The following GFRA1 variants were observed in gnomAD, a reference collection of about 807,000 sequenced individuals.
GFRA1 encodes the protein GDNF family receptor alpha 1.
In GFRA1, 16 loss-of-function variants were observed where a neutral mutation model predicts 51.6. The observed-to-expected ratio is 0.31, with a 90% CI of 0.21 to 0.47. The LOEUF (loss-of-function observed/expected upper bound fraction) is 0.47. Among genes scored for constraint, GFRA1 ranks in the 20% least tolerant of loss-of-function variants. The probability of loss-of-function intolerance (pLI) is 1.00; values close to 1 mark genes in which losing one functional copy is unlikely to be tolerated. For missense variants in GFRA1, 530 were observed against 594.3 expected, an observed-to-expected ratio of 0.89 and a Z score of 1.13; for synonymous variants, 270 against 241.3, an observed-to-expected ratio of 1.12 and a Z score of -1.10.
At chr10:116,115,026 C>T (rs933460933) in intron 6 of GFRA1, among the ~76,000 whole-genome samples, 4 of 152,162 alleles carry the variant, frequency 2.6e-5, no homozygotes, top group Admixed American at 1.3e-4. Context: ...CTTACACTGA[C>T]AACTACTGGG....
At chr10:116,119,532 A>G (rs377100242) in intron 6 of GFRA1, among the ~76,000 whole-genome samples, 3 of 152,346 alleles carry the variant, frequency 2.0e-5, no homozygotes, top group East Asian at 3.9e-4. Context: ...TGAATGAATC[A>G]GCGTAAAATA....
Position 116,084,761 on chromosome 10 carries a change from A to AACACAC in GFRA1, c.1197+4974_1197+4979dup, listed in dbSNP as rs5788130. Among the ~76,000 whole-genome samples, 353 of 140,152 alleles carry AACACAC rather than the reference A, an allele frequency of 2.5e-3. 3 individuals carry two copies. The highest frequency in any genetic ancestry group is 2.7e-3 in the Non-Finnish European group (174 of 63,888). The allele number at this position is 140,152 out of a possible 152,430, so 91.9% of individuals were successfully genotyped here. On this transcript the variant is annotated intron_variant, in intron 9 of 10. Transcript: ENST00000355422. ...CCAAAGATATTTACTTTAAATAAGT[A>AACACAC]ACACACACACACACACACACACACA...
intron 6 of GFRA1, among the ~76,000 whole-genome samples, chr10:116,101,315 T>C (rs1956809164): frequency 6.6e-6 from 1 of 152,180 alleles, no homozygotes; most frequent in Non-Finnish European, 1.5e-5. Flanking sequence ...GAAATCTCCA[T>C]GACGACAGCA....
At chr10:116,194,289 C>T (rs959076971) in intron 5 of GFRA1, among the ~76,000 whole-genome samples, 3 of 152,076 alleles carry the variant, frequency 2.0e-5, no homozygotes, top group Non-Finnish European at 2.9e-5. Flanking sequence ...CTAAAAATAA[C>T]CCATGAATTC....
chr10:116,188,216 G>A (rs562815884), intron 5 of GFRA1, among the ~76,000 whole-genome samples: 1 of 152,040 alleles, frequency 6.6e-6, no homozygotes, highest in African/African-American at 2.4e-5. Flanking sequence ...CCTGTGGGAT[G>A]GGGGGTCAAC....
At chr10:116,104,622 C>T (rs1479427464) in intron 6 of GFRA1, among the ~76,000 whole-genome samples, 1 of 152,190 alleles carries the variant, frequency 6.6e-6, no homozygotes, top group Non-Finnish European at 1.5e-5. Context: ...AGAGGTGATG[C>T]TTCCTTAGCC....
intron 5 of GFRA1, among the ~76,000 whole-genome samples, chr10:116,137,327 T>C (rs759317208): frequency 1.3e-5 from 2 of 152,182 alleles, no homozygotes; most frequent in Admixed American, 6.5e-5. Flanking sequence ...TAATGAATCA[T>C]TGATGATGTC....
At chr10:116,139,264 G>A (rs143467324) in intron 5 of GFRA1, among the ~76,000 whole-genome samples, 22 of 152,320 alleles carry the variant, frequency 1.4e-4, no homozygotes, top group African/African-American at 4.8e-4. Flanking sequence ...ACACAAGCAT[G>A]TTGGTTTTGG....
rs184234291 is a variant in GFRA1 at position 116,089,730 on chromosome 10, G to A, written c.1197+11C>T. The stretch of plus-strand genomic sequence containing the variant: ...GGGAGCCCCAGCAAGGAATCTGGAC[G>A]CAGTTCTCACCTGTAAATTTGCACA... On this transcript the variant is annotated intron_variant, in intron 9 of 10. Transcript: ENST00000355422. 4.5e-4 allele frequency: 723 copies of A among 1,611,104 alleles called. No individual in the cohort carries two copies. The highest frequency in any genetic ancestry group is 5.9e-4 in the Non-Finnish European group (689 of 1,177,422).
chr10:116,143,112 C>T (rs1589821079), intron 5 of GFRA1, among the ~76,000 whole-genome samples: 2 of 152,134 alleles, frequency 1.3e-5, no homozygotes, highest in African/African-American at 4.8e-5. Context: ...TTGTGCCATA[C>T]AGGATGGAGG....
At chr10:116,246,675 AAAATAG>A (rs1367776951) in intron 4 of GFRA1, among the ~76,000 whole-genome samples, 1 of 152,240 alleles carries the variant, frequency 6.6e-6, no homozygotes, top group Non-Finnish European at 1.5e-5. Flanking sequence ...ACAGGTTATT[AAAATAG>A]TAAATTAAAA....
chr10:116,062,082 A>G lies in GFRA1; in HGVS notation c.*2316T>C. 2.5e-6 allele frequency: 1 copy of G among 398,588 alleles called. No homozygotes were observed. Among genetic ancestry groups the G allele is most frequent in the South Asian group, 1.3e-4 (1 of 7,856 alleles). The allele number at this position is 398,588 out of a possible 1,614,324, so 24.7% of individuals were successfully genotyped here. A position where few individuals can be genotyped will look rare whatever the true frequency, so the allele number is the denominator to read the frequency against. On this transcript the variant is annotated 3_prime_UTR_variant, in exon 11 of 11. Transcript: ENST00000355422. The stretch of plus-strand genomic sequence containing the variant: ...AATGTAATTTATATATTGCCTACCC[A>G]TGCATTCTTCAATGAAGGCTGCCCT...
chr10:116,255,721 C>G, intron 4 of GFRA1: 1 of 1,289,200 alleles, frequency 7.8e-7, no homozygotes, highest in Non-Finnish European at 1.0e-6. Flanking sequence ...CTCTTCCTCT[C>G]TCCTTCTCCC....
intron 5 of GFRA1, among the ~76,000 whole-genome samples, chr10:116,165,972 C>T (rs541330827): frequency 6.6e-6 from 1 of 152,126 alleles, no homozygotes. Flanking sequence ...TAAAAGGTCT[C>T]ATTGTGTGTT....
intron 10 of GFRA1, 55 bp downstream of exon 10, chr10:116,065,510 CCCCAGGGG>C: frequency 7.5e-7 from 1 of 1,325,828 alleles, no homozygotes; most frequent in Non-Finnish European, 1.1e-6. Context: ...GATACCCTGC[CCCCAGGGG>C]CCCAAAGGCT....
At chr10:116,168,995 A>C (rs1215803360) in intron 5 of GFRA1, among the ~76,000 whole-genome samples, 3 of 152,242 alleles carry the variant, frequency 2.0e-5, no homozygotes, top group Non-Finnish European at 2.9e-5. Flanking sequence ...CAGTTAATTA[A>C]GTATACCTTG....
intron 4 of GFRA1, among the ~76,000 whole-genome samples, chr10:116,232,432 T>C (rs759582453): frequency 6.6e-6 from 1 of 152,186 alleles, no homozygotes; most frequent in Non-Finnish European, 1.5e-5. Context: ...GTGTTTACAT[T>C]TTTATACCTA....
At chr10:116,190,009 A>G (rs1963105706) in intron 5 of GFRA1, among the ~76,000 whole-genome samples, 1 of 152,158 alleles carries the variant, frequency 6.6e-6, no homozygotes, top group Non-Finnish European at 1.5e-5. Flanking sequence ...GGCGAGGCAG[A>G]GAGCGGGACC....
At chr10:116,236,491 C>A (rs566456553) in intron 4 of GFRA1, among the ~76,000 whole-genome samples, 1 of 152,180 alleles carries the variant, frequency 6.6e-6, no homozygotes, top group South Asian at 2.1e-4. Flanking sequence ...ATGGTCCCTG[C>A]CTCCCAGGAA....
Sources: gnomAD v4.1 joint callset for allele counts (sites outside exome capture counted in the v4.1 genomes callset) on GRCh38, gnomAD v4.1.1 for gene constraint, MANE v1.5 for transcripts, NCBI Gene and HGNC (gene_info 2026-07-23, HGNC 2026-07-21) for gene names.